TMEM259: variants seen among roughly 807,000 people sequenced by gnomAD.
The protein encoded by TMEM259 is membralin.
In TMEM259, 26 loss-of-function variants were observed where a neutral mutation model predicts 46.7. The ratio of observed to expected loss-of-function variants is 0.56; its 90% confidence interval spans 0.41 to 0.77. TMEM259 has a LOEUF of 0.77. Ranked by LOEUF, TMEM259 falls within the 30% of genes least tolerant of loss-of-function variation. TMEM259 has a pLI of 0.00. For missense variants in TMEM259, 930 were observed against 900.5 expected (o/e 1.03, Z -0.42); for synonymous variants, 494 against 395.1 (o/e 1.25, Z -2.97).
chr19:1,017,742 G>A (rs546596559), intron 1 of TMEM259, among the ~76,000 whole-genome samples: 12 of 152,220 alleles, frequency 7.9e-5, no homozygotes, highest in Admixed American at 4.6e-4. Context: ...CAGCCTGCCC[G>A]CTCTCTGGGT....
Sources: allele counts gnomAD v4.1 joint callset (sites outside exome capture counted in the v4.1 genomes callset), GRCh38; gene constraint gnomAD v4.1.1; transcripts MANE v1.5; gene names NCBI Gene and HGNC (gene_info 2026-07-23, HGNC 2026-07-21).